PSMD11: variants seen among roughly 807,000 people sequenced by gnomAD.
PSMD11 encodes 26S proteasome non-ATPase regulatory subunit 11.
Under a neutral mutation model 62.3 loss-of-function variants are expected in PSMD11, and 5 were observed. The observed-to-expected ratio is 0.08, with a 90% CI of 0.04 to 0.17. The LOEUF is 0.17. Among genes scored for constraint, PSMD11 ranks in the 10% least tolerant of loss-of-function variants. PSMD11 has a pLI of 1.00. For synonymous variants in PSMD11, 191 were observed against 191.8 expected (o/e 1.00, Z 0.03); for missense variants, 310 against 512.9 (o/e 0.60, Z 3.82).
chr17:32,461,875 G>C (rs1440152552), intron 3 of PSMD11, among the ~76,000 whole-genome samples: 1 of 152,092 alleles, frequency 6.6e-6, no homozygotes, highest in Non-Finnish European at 1.5e-5. Context: ...ATTTTTATGA[G>C]GTCAGTTGAG....
chr17:32,453,748 A>G (rs1284742085), intron 2 of PSMD11, among the ~76,000 whole-genome samples: 1 of 152,212 alleles, frequency 6.6e-6, no homozygotes, highest in Non-Finnish European at 1.5e-5. Context: ...TTTGACAAGC[A>G]TATCTCTAGT....
Position 32,464,102 on chromosome 17 carries a change from C to A in PSMD11, c.372C>A (p.Phe124Leu), listed in dbSNP as rs775123692. 4 of 1,613,882 alleles carry A rather than the reference C, an allele frequency of 2.5e-6. No individual in the cohort carries two copies. Among genetic ancestry groups the A allele is most frequent in the Non-Finnish European group, 3.4e-6 (4 of 1,179,920 alleles). ...IEWAKSEKRTFLRQALEARLV... is the reference protein window; with the variant it reads ...IEWAKSEKRTLLRQALEARLV... ...GGGCCAAGTCAGAGAAAAGAACTTT[C>A]TTACGCCAAGCTTTGGAGGTAGGTT... Residue 124 changes from phenylalanine (F) to leucine (L), a missense_variant, in exon 4 of 14, where the codon TTC becomes TTA. Phe to Leu is a conservative substitution (Grantham distance 22, BLOSUM62 0). This residue lies in a region of PSMD11 where 47 missense variants were observed against 59.0 expected (regional missense o/e 0.80). Transcript: ENST00000261712.
chr17:32,463,698 C>A (rs559098868), intron 3 of PSMD11, among the ~76,000 whole-genome samples: 1 of 152,306 alleles, frequency 6.6e-6, no homozygotes, highest in East Asian at 1.9e-4. Flanking sequence ...CTATTTCTAA[C>A]CAGGGAGAAA....
At chr17:32,473,010 T>G (rs953440744) in intron 6 of PSMD11, among the ~76,000 whole-genome samples, 1 of 151,000 alleles carries the variant, frequency 6.6e-6, no homozygotes, top group Non-Finnish European at 1.5e-5. Context: ...TACAAAAAAT[T>G]AGCCGGGCGT....
At chr17:32,455,925 C>T (rs1196147263) in intron 3 of PSMD11, among the ~76,000 whole-genome samples, 1 of 151,882 alleles carries the variant, frequency 6.6e-6, no homozygotes, top group Non-Finnish European at 1.5e-5. Flanking sequence ...AGGTGGATCA[C>T]GAGGTCAGGA....
chr17:32,450,907 T>A (rs991221719), intron 2 of PSMD11, among the ~76,000 whole-genome samples: 49 of 147,994 alleles, frequency 3.3e-4, no homozygotes, highest in East Asian at 9.8e-4. Flanking sequence ...TTAAAAAAAA[T>A]TTTTTTTTTT....
intron 2 of PSMD11, among the ~76,000 whole-genome samples, chr17:32,453,629 A>C (rs1188452437): frequency 6.6e-6 from 1 of 152,142 alleles, no homozygotes; most frequent in Non-Finnish European, 1.5e-5. Context: ...CAGGAGGGTG[A>C]GTCTGCAATT....
chr17:32,450,278 C>G (rs143546544), intron 2 of PSMD11, among the ~76,000 whole-genome samples: 1 of 150,622 alleles, frequency 6.6e-6, no homozygotes, highest in African/African-American at 2.4e-5. Flanking sequence ...TTTTTGAGAC[C>G]GAGTTTCATT....
intron 7 of PSMD11, among the ~76,000 whole-genome samples, chr17:32,474,423 C>T (rs4132610): frequency 0.59 from 89,659 of 152,110 alleles, 27,276 homozygotes; most frequent in African/African-American, 0.65. Flanking sequence ...AGAACTCTCT[C>T]TGGATCTTTG....
chr17:32,479,971 G>A (rs1469693431), intron 11 of PSMD11, 85 bp downstream of exon 11: 1 of 1,527,500 alleles, frequency 6.5e-7, no homozygotes, highest in Non-Finnish European at 9.1e-7. Flanking sequence ...GGCCTCATTG[G>A]AAAGCTCCCC....
chr17:32,450,106 G>A (rs962272754), intron 2 of PSMD11, among the ~76,000 whole-genome samples: 3 of 152,048 alleles, frequency 2.0e-5, no homozygotes, highest in Non-Finnish European at 4.4e-5. Context: ...AACTACAGGC[G>A]CCCACCACCA....
In PSMD11 at chr17:32,473,884, G is replaced by A. The variant is rs759279860; in HGVS notation, c.727G>A (p.Asp243Asn). 8 of 1,614,090 alleles carry A rather than the reference G, an allele frequency of 5.0e-6. No individual in the cohort carries two copies. The highest frequency in any genetic ancestry group is 6.8e-6 in the Non-Finnish European group (8 of 1,180,018). Residue 243 changes from aspartate (D) to asparagine (N), a missense_variant, in exon 7 of 14, where the codon GAC (aspartate) becomes AAC (asparagine). Coordinates refer to ENST00000261712, the MANE Select transcript of PSMD11 (RefSeq NM_002815.4). Reference protein sequence around the residue: ...YEAFEGYDSIDSPKAITSLKY... With the variant: ...YEAFEGYDSINSPKAITSLKY... ...GGCATTTGAGGGTTATGACTCCATC[G>A]ACAGCCCCAAGGCCATCACATCTCT...
rs1908081199 is a variant in PSMD11, at chr17:32,469,076, A to T, written c.526A>T (p.Thr176Ser). ...GGAAGTACAGCTTTTAGAAAGCAAA[A>T]CATACCATGCCCTGAGCAACCTGCC... ...LVEVQLLESK[T>S]YHALSNLPKA... is the part of the protein sequence containing the mutation. Residue 176 changes from threonine (T) to serine (S), a missense_variant, in exon 6 of 14, where the codon ACA becomes TCA. Transcript: ENST00000261712. 6.2e-7 allele frequency: 1 copy of T among 1,613,966 alleles called. No homozygotes were observed. Among genetic ancestry groups the T allele is most frequent in the Non-Finnish European group, 8.5e-7 (1 of 1,180,038 alleles).
At chr17:32,451,299 A>G (rs1431045359) in intron 2 of PSMD11, among the ~76,000 whole-genome samples, 1 of 152,190 alleles carries the variant, frequency 6.6e-6, no homozygotes, top group Non-Finnish European at 1.5e-5. Flanking sequence ...CTAGGAAGGA[A>G]AATGATTTTC....
intron 2 of PSMD11, among the ~76,000 whole-genome samples, chr17:32,448,515 G>A (rs921142452): frequency 9.2e-5 from 14 of 151,880 alleles, no homozygotes; most frequent in African/African-American, 3.1e-4. Context: ...TTGCCAGCAT[G>A]CGCCACTATG....
At chr17:32,467,567 G>C (rs1908033937) in intron 5 of PSMD11, among the ~76,000 whole-genome samples, 1 of 152,150 alleles carries the variant, frequency 6.6e-6, no homozygotes, top group African/African-American at 2.4e-5. Context: ...TATGTCTTCA[G>C]ATAAATATTC....
At chr17:32,464,416 T>C in intron 4 of PSMD11, 105 bp from the exon 5 acceptor site, 1 of 931,320 alleles carries the variant, frequency 1.1e-6, no homozygotes, top group Non-Finnish European at 1.7e-6. Flanking sequence ...GATGCTATCA[T>C]CAGAAATTGC....
intron 6 of PSMD11, among the ~76,000 whole-genome samples, 186 bp from the exon 7 acceptor site, chr17:32,473,615 A>G (rs1370626478): frequency 6.7e-6 from 1 of 149,138 alleles, no homozygotes; most frequent in East Asian, 2.0e-4. Flanking sequence ...GGGTCTTACT[A>G]TGTTACTCAG....
At chr17:32,478,522 A>G (rs1908394967) in intron 9 of PSMD11, among the ~76,000 whole-genome samples, 1 of 152,202 alleles carries the variant, frequency 6.6e-6, no homozygotes, top group African/African-American at 2.4e-5. Flanking sequence ...TTTATTCCAA[A>G]TAGTTCCTTG....
Sources: gnomAD v4.1 joint callset for allele counts (sites outside exome capture counted in the v4.1 genomes callset) on GRCh38, gnomAD v4.1.1 for gene constraint, gnomAD v4.1.1 regional missense constraint, MANE v1.5 for transcripts, NCBI Gene and HGNC (gene_info 2026-07-23, HGNC 2026-07-21) for gene names.